The following ADGRL4 variants were observed in gnomAD, a reference collection of about 807,000 sequenced individuals.
The protein encoded by ADGRL4 is adhesion G protein-coupled receptor L4.
ADGRL4 carries 90 observed loss-of-function variants against 74.8 expected under a neutral mutation model. The observed-to-expected ratio is 1.20, with a 90% confidence interval of 1.02 to 1.43. The LOEUF is 1.43. ADGRL4 is among the 40% of genes most tolerant of loss of function. The probability of loss-of-function intolerance (pLI) is 0.00; values close to 1 mark genes in which losing one functional copy is unlikely to be tolerated. For missense variants in ADGRL4, 881 were observed against 814.3 expected, an observed-to-expected ratio of 1.08 and a Z score of -1.00; for synonymous variants, 311 against 279.2, an observed-to-expected ratio of 1.11 and a Z score of -1.14.
In ADGRL4 at chr1:78,891,178, G is replaced by A. The variant is rs1436905486; in HGVS notation, c.2049C>T (p.Pro683=). ...EEYYRLFKNV[P]CCFGCLR is the part of the protein sequence containing the mutation. ...TTTACCTTAAACATCCAAAACAACAGGGGACATTTTTGAACAATCTGTAAT... is the reference window on the plus strand; with the variant it reads ...TTTACCTTAAACATCCAAAACAACAAGGGACATTTTTGAACAATCTGTAAT... The change falls in exon 15 of 15, where the codon CCC becomes CCT. Residue 683 remains proline, a synonymous_variant. Transcript: ENST00000370742. 2 of 1,610,844 alleles carry A rather than the reference G, an allele frequency of 1.2e-6. No homozygotes were observed. Among genetic ancestry groups the A allele is most frequent in the South Asian group, 2.2e-5 (2 of 90,704 alleles).
At chr1:78,892,566 C>T (rs1648305861) in intron 13 of ADGRL4, among the ~76,000 whole-genome samples, 1 of 152,068 alleles carries the variant, frequency 6.6e-6, no homozygotes, top group Admixed American at 6.6e-5. Flanking sequence ...ATCGATCAAA[C>T]ATTTATTAAA....
intron 12 of ADGRL4, among the ~76,000 whole-genome samples, chr1:78,903,254 T>C (rs1358216241): frequency 6.6e-6 from 1 of 152,180 alleles, no homozygotes; most frequent in Non-Finnish European, 1.5e-5. Context: ...TTACACTATT[T>C]AGTTTTAATA....
At position 78,909,340 on chromosome 1, in the gene ADGRL4, A is replaced by T. The variant is rs185413203; in HGVS notation, c.1749+8294T>A. Among the ~76,000 whole-genome samples the T allele has an allele frequency of 2.7e-3, 418 of 152,030 alleles. 2 individuals are homozygous for T. The highest frequency in any genetic ancestry group is 9.5e-3 in the African/African-American group (396 of 41,518). On this transcript the variant is annotated intron_variant, in intron 12 of 14. Transcript: ENST00000370742. ...ACTGCAAAATACAATCGTATTCAAG[A>T]TACTTAACATCCATGTCTAGGCTAG...
chr1:78,952,943 T>C (rs979936992), intron 2 of ADGRL4, among the ~76,000 whole-genome samples: 1 of 152,184 alleles, frequency 6.6e-6, no homozygotes, highest in African/African-American at 2.4e-5. Flanking sequence ...TAGAATGGTC[T>C]CTGTTTCTGT....
intron 2 of ADGRL4, among the ~76,000 whole-genome samples, chr1:78,970,022 A>G (rs949084454): frequency 3.3e-5 from 5 of 152,162 alleles, no homozygotes; most frequent in African/African-American, 1.2e-4. Flanking sequence ...GGAGCTAACC[A>G]TAGCCAAGCA....
intron 2 of ADGRL4, among the ~76,000 whole-genome samples, chr1:78,982,336 T>A (rs559767473): frequency 5.9e-5 from 9 of 151,946 alleles, no homozygotes; most frequent in Admixed American, 6.6e-5. Flanking sequence ...CCAAAGGAAA[T>A]GAGCTGATAA....
At chr1:78,897,709 C>A (rs992350908) in intron 12 of ADGRL4, among the ~76,000 whole-genome samples, 2 of 152,132 alleles carry the variant, frequency 1.3e-5, no homozygotes, top group African/African-American at 4.8e-5. Flanking sequence ...ATATGTTTTT[C>A]TTTCATTACT....
At chr1:78,980,653 T>C (rs1299386615) in intron 2 of ADGRL4, among the ~76,000 whole-genome samples, 1 of 151,982 alleles carries the variant, frequency 6.6e-6, no homozygotes, top group Non-Finnish European at 1.5e-5. Flanking sequence ...TGTAGTCTAA[T>C]GGAATTTATG....
Position 78,920,262 on chromosome 1 carries a change from G to T in ADGRL4, c.1382C>A (p.Thr461Lys), listed in dbSNP as rs1485835844. Residue 461 changes from threonine to lysine, a missense_variant, in exon 10 of 15, where the codon ACA becomes AAA. By Grantham distance (78) the Thr-to-Lys change is moderately conservative (BLOSUM62 -1). Transcript: ENST00000370742. ...GCTACAGCAAAGATTTTTGTGAATT[G>T]TTGTCCTGGTGCTTTGAATTTCACT... Reference protein sequence around the residue: ...FFSEIQSTRTTIHKNLCCSLF... With the variant: ...FFSEIQSTRTKIHKNLCCSLF... 2 of 1,611,956 alleles carry T rather than the reference G, an allele frequency of 1.2e-6. No homozygotes were observed. Among genetic ancestry groups the T allele is most frequent in the East Asian group, 2.2e-5 (1 of 44,700 alleles).
chr1:78,963,745 T>C (rs1008299817), intron 2 of ADGRL4, among the ~76,000 whole-genome samples: 1 of 152,152 alleles, frequency 6.6e-6, no homozygotes, highest in Non-Finnish European at 1.5e-5. Context: ...GTATACATGG[T>C]AAAAATCAAG....
intron 12 of ADGRL4, among the ~76,000 whole-genome samples, chr1:78,905,828 T>C (rs1448775555): frequency 6.6e-6 from 1 of 152,022 alleles, no homozygotes; most frequent in African/African-American, 2.4e-5. Context: ...AAAGGAGCAT[T>C]TAGCCATTAA....
chr1:78,944,608 C>A (rs553696012), intron 3 of ADGRL4, among the ~76,000 whole-genome samples: 7 of 152,176 alleles, frequency 4.6e-5, no homozygotes, highest in Admixed American at 2.6e-4. Flanking sequence ...AAAGCTTGAT[C>A]GGCTGTATTT....
chr1:79,000,094 T>G (rs1465871296), intron 2 of ADGRL4, among the ~76,000 whole-genome samples: 1 of 152,166 alleles, frequency 6.6e-6, no homozygotes, highest in African/African-American at 2.4e-5. Flanking sequence ...TTATTTCAGT[T>G]TCATTCTTCA....
intron 3 of ADGRL4, 122 bp from the exon 4 acceptor site, chr1:78,939,380 T>G (rs1017650813): frequency 4.7e-5 from 49 of 1,036,886 alleles, no homozygotes; most frequent in Non-Finnish European, 6.0e-5. Context: ...CTCTAACACT[T>G]GAATTTCCTC....
At chr1:78,922,588 T>C (rs1649022743) in intron 8 of ADGRL4, among the ~76,000 whole-genome samples, 1 of 152,044 alleles carries the variant, frequency 6.6e-6, no homozygotes, top group Non-Finnish European at 1.5e-5. Flanking sequence ...TTAATAATAA[T>C]TTATCAATAA....
At chr1:78,968,335 T>C (rs1193335004) in intron 2 of ADGRL4, among the ~76,000 whole-genome samples, 1 of 152,024 alleles carries the variant, frequency 6.6e-6, no homozygotes, top group African/African-American at 2.4e-5. Context: ...GCTGCAGTAA[T>C]AGATCAGGCT....
chr1:78,965,544 A>G (rs1399679907), intron 2 of ADGRL4, among the ~76,000 whole-genome samples: 1 of 152,190 alleles, frequency 6.6e-6, no homozygotes, highest in Non-Finnish European at 1.5e-5. Flanking sequence ...TTTACCAACA[A>G]AAAGTATAAC....
At chr1:78,957,020 C>G (rs1360199544) in intron 2 of ADGRL4, among the ~76,000 whole-genome samples, 3 of 152,084 alleles carry the variant, frequency 2.0e-5, no homozygotes, top group African/African-American at 7.2e-5. Flanking sequence ...GATCACTATA[C>G]TAGTTATTGC....
intron 2 of ADGRL4, among the ~76,000 whole-genome samples, chr1:78,962,620 A>T (rs890734114): frequency 6.6e-6 from 1 of 152,152 alleles, no homozygotes; most frequent in Non-Finnish European, 1.5e-5. Flanking sequence ...GATATTTTCC[A>T]TAAGTCATCA....
Sources: allele counts gnomAD v4.1 joint callset (sites outside exome capture counted in the v4.1 genomes callset), GRCh38; gene constraint gnomAD v4.1.1; transcripts MANE v1.5; gene names NCBI Gene and HGNC (gene_info 2026-07-23, HGNC 2026-07-21).